FOSL1: variants seen among roughly 807,000 people sequenced by gnomAD.
FOSL1 encodes fos-related antigen 1.
Under a neutral mutation model 24.9 loss-of-function variants are expected in FOSL1, and 14 were observed. The ratio of observed to expected loss-of-function variants is 0.56; its 90% CI spans 0.37 to 0.88. The LOEUF (loss-of-function observed/expected upper bound fraction) is 0.88. Ranked by LOEUF, FOSL1 falls within the 40% of genes least tolerant of loss-of-function variation. The pLI, the probability that FOSL1 is intolerant of heterozygous loss-of-function variation, is 0.00. For missense variants in FOSL1, 318 were observed against 359.8 expected, an observed-to-expected ratio of 0.88 and a Z score of 0.94; for synonymous variants, 133 against 145.1, an observed-to-expected ratio of 0.92 and a Z score of 0.60.
In FOSL1 at chr11:65,893,995, G is replaced by T. The variant is rs1416527452; in HGVS notation, c.405+19C>A. On this transcript the variant is annotated intron_variant, in intron 3 of 3. Transcript: ENST00000312562. The stretch of plus-strand genomic sequence containing the variant: ...AGACAGGGTCCCTCTGAGCTCGGTG[G>T]ACCAGGGCTGGTGCTCACCGCCTGC... 4.6e-6 allele frequency: 7 copies of T among 1,537,354 alleles called. No homozygotes were observed. The East Asian group carries it at 9.5e-5, about 21-fold the overall frequency.
At chr11:65,899,431 C>T (rs903963524) in intron 1 of FOSL1, among the ~76,000 whole-genome samples, 1 of 152,348 alleles carries the variant, frequency 6.6e-6, no homozygotes, top group African/African-American at 2.4e-5. Context: ...GCGGAACGGA[C>T]GCCCCTCCTT....
At position 65,893,218 on chromosome 11, in the gene FOSL1, C is replaced by G; in HGVS notation, c.484G>C (p.Glu162Gln). 5.0e-6 allele frequency: 8 copies of G among 1,614,038 alleles called. No homozygotes were observed. Among genetic ancestry groups the G allele is most frequent in the Non-Finnish European group, 6.8e-6 (8 of 1,179,988 alleles). The change falls in exon 4 of 4, where the codon GAG becomes CAG. Residue 162 changes from glutamate to glutamine, a missense_variant. By Grantham distance (29) the Glu-to-Gln change is conservative (BLOSUM62 2). Coordinates refer to ENST00000312562, the MANE Select transcript of FOSL1 (RefSeq NM_005438.5). ...EELQKQKERL[E>Q]LVLEAHRPIC... ...GGTCGGTGGGCTTCCAGCACCAGCT[C>G]TAGGCGCTCCTTCTGCTTCTGCAGC...
intron 1 of FOSL1, among the ~76,000 whole-genome samples, chr11:65,897,279 C>G (rs1860551911): frequency 1.3e-5 from 2 of 152,162 alleles, no homozygotes; most frequent in Admixed American, 6.5e-5. Context: ...GTTCTAACCA[C>G]TTTACAAATA....
intron 2 of FOSL1, among the ~76,000 whole-genome samples, chr11:65,895,843 G>C (rs985491393): frequency 1.3e-5 from 2 of 151,952 alleles, no homozygotes; most frequent in Non-Finnish European, 2.9e-5. Flanking sequence ...ATCCCCTGTA[G>C]TCTCCCACAC....
Position 65,893,936 on chromosome 11 carries a change from G to A in FOSL1, c.405+78C>T, listed in dbSNP as rs1860458519. ...ACAAGGAGCTAGGATGGTGAGGAGG[G>A]GGCTACATATACTGGGGCTCTGGGG... On this transcript the variant is annotated intron_variant, in intron 3 of 3. Coordinates refer to ENST00000312562, the MANE Select transcript of FOSL1 (RefSeq NM_005438.5). The A allele has an allele frequency of 3.2e-6, 3 of 937,998 alleles. No individual in the cohort carries two copies. The South Asian group carries it at 4.2e-5, about 13-fold the overall frequency. The allele number at this position is 937,998 out of a possible 1,614,324, so 58.1% of individuals were successfully genotyped here.
chr11:65,899,119 G>T (rs1253999334), intron 1 of FOSL1, among the ~76,000 whole-genome samples: 3 of 152,152 alleles, frequency 2.0e-5, no homozygotes, highest in Admixed American at 2.0e-4. Flanking sequence ...CATTCTATCA[G>T]CCAGCTATCT....
chr11:65,892,767 G>A lies in FOSL1; in HGVS notation c.*119C>T. On this transcript the variant is annotated 3_prime_UTR_variant, in exon 4 of 4. Transcript: ENST00000312562. Reference sequence around the variant, plus strand: ...ACAATATGGTCAGTCTCATTAGAGGGATGGAGAAGAAGTTGCTGGAGTTGG... The same window carrying A: ...ACAATATGGTCAGTCTCATTAGAGGAATGGAGAAGAAGTTGCTGGAGTTGG... 1.1e-6 allele frequency: 1 copy of A among 951,820 alleles called. No individual in the cohort carries two copies. Among genetic ancestry groups the A allele is most frequent in the Non-Finnish European group, 1.6e-6 (1 of 617,168 alleles). The allele number at this position is 951,820 out of a possible 1,614,324, so 59.0% of individuals were successfully genotyped here.
Position 65,896,793 on chromosome 11 carries a change from T to C in FOSL1, c.297+16A>G, listed in dbSNP as rs2134800192. ...CTGGGCGGGGTCGGAACCACTGCAA[T>C]GCCTCTGTGCCTTACCTGTTCACAA... is the stretch of plus-strand genomic sequence containing the variant. On this transcript the variant is annotated intron_variant, in intron 2 of 3. Coordinates refer to ENST00000312562, the MANE Select transcript of FOSL1 (RefSeq NM_005438.5). 1.3e-6 allele frequency: 2 copies of C among 1,575,286 alleles called. No homozygotes were observed. The highest frequency in any genetic ancestry group is 2.3e-5 in the South Asian group (2 of 87,624).
chr11:65,899,490 C>T (rs1160132929), intron 1 of FOSL1, among the ~76,000 whole-genome samples: 2 of 152,244 alleles, frequency 1.3e-5, no homozygotes. Context: ...GAAATGGGCA[C>T]CTGCAGCCTC....
At chr11:65,894,922 G>A (rs1860485183) in intron 2 of FOSL1, among the ~76,000 whole-genome samples, 1 of 151,566 alleles carries the variant, frequency 6.6e-6, no homozygotes, top group Non-Finnish European at 1.5e-5. Flanking sequence ...CTCCCAAAGT[G>A]CTGGGATTAC....
rs756869534 is a variant in FOSL1 at position 65,896,775 on chromosome 11, G to A, written c.297+34C>T. 2.6e-6 allele frequency: 4 copies of A among 1,533,492 alleles called. No homozygotes were observed. In the Admixed American group the frequency reaches 7.5e-5, roughly 29 times the overall value. 95.0% of individuals were successfully genotyped at this position (1,533,492 alleles called of 1,614,324 possible). A position where few individuals can be genotyped will look rare whatever the true frequency, so the allele number is the denominator to read the frequency against. On this transcript the variant is annotated intron_variant, in intron 2 of 3. Transcript: ENST00000312562. ...CTCTGCACCCTAGCACTCCTGGGCG[G>A]GGTCGGAACCACTGCAATGCCTCTG...
chr11:65,896,066 A>G (rs1018273931), intron 2 of FOSL1, among the ~76,000 whole-genome samples: 1 of 151,996 alleles, frequency 6.6e-6, no homozygotes, highest in Non-Finnish European at 1.5e-5. Flanking sequence ...GGGTCTCTCT[A>G]TGTTGCCCAA....
In FOSL1 at chr11:65,900,205, C is replaced by T. The variant is rs542471693; in HGVS notation, c.99+36G>A. 3.7e-4 allele frequency: 402 copies of T among 1,081,132 alleles called. 3 individuals carry two copies. The African/African-American group carries it at 5.3e-3, about 14-fold the overall frequency. The allele number at this position is 1,081,132 out of a possible 1,614,324, so 67.0% of individuals were successfully genotyped here. On this transcript the variant is annotated intron_variant, in intron 1 of 3. Transcript: ENST00000312562. The stretch of plus-strand genomic sequence containing the variant: ...TTGACCCCGGCCTCCCACGCGCGGT[C>T]CTCCCGTGGGACCACCGGCGTCGGG...
chr11:65,893,113 G>A lies in FOSL1; in HGVS notation c.589C>T (p.Arg197Cys), dbSNP rs139675472. 1.5e-3 allele frequency: 2,403 copies of A among 1,612,816 alleles called. 3 individuals are homozygous for A. Among genetic ancestry groups the A allele is most frequent in the Non-Finnish European group, 1.9e-3 (2,222 of 1,179,830 alleles). Residue 197 changes from arginine (R) to cysteine (C), a missense_variant, in exon 4 of 4, where the codon CGC becomes TGC. Physicochemically the swap from Arg to Cys is radical, Grantham distance 180. Transcript: ENST00000312562. ...GAAAGGGAGATACAAGGTACAGGGC[G>A]GCAGGGGGCTGGTGGGCTGCTGGTG... ...SGTSSPPAPC[R>C]PVPCISLSPG...
intron 1 of FOSL1, among the ~76,000 whole-genome samples, chr11:65,898,474 C>T (rs11227338): frequency 0.11 from 17,166 of 152,164 alleles, 2,533 homozygotes; most frequent in African/African-American, 0.34. Flanking sequence ...CTTTAGCCAC[C>T]TGGCATGGCA....
chr11:65,894,935 G>A (rs1159840727), intron 2 of FOSL1, among the ~76,000 whole-genome samples: 2 of 151,552 alleles, frequency 1.3e-5, no homozygotes, highest in Non-Finnish European at 1.5e-5. Context: ...GGGATTACAG[G>A]CATGAGCCAC....
At chr11:65,896,708 T>C in intron 2 of FOSL1, 101 bp downstream of exon 2, 1 of 998,376 alleles carries the variant, frequency 1.0e-6, no homozygotes, top group Non-Finnish European at 1.5e-6. Flanking sequence ...TAGCCTACCT[T>C]ACCCCCTCCT....
rs897466177 is a variant in FOSL1, at chr11:65,900,370, G to C, written c.-31C>G. 2.6e-5 allele frequency: 30 copies of C among 1,157,894 alleles called. No individual in the cohort carries two copies. The African/African-American group carries it at 4.7e-4, about 18-fold the overall frequency. 71.7% of individuals were successfully genotyped at this position (1,157,894 alleles called of 1,614,324 possible). A position where few individuals can be genotyped will look rare whatever the true frequency, so the allele number is the denominator to read the frequency against. On this transcript the variant is annotated 5_prime_UTR_variant, in exon 1 of 4. Transcript: ENST00000312562. ...GGGCTGGCGGCTCTGCGGGGTACAC[G>C]GCTGCTGGGTTCTGACTCACCCGCG...
Position 65,900,264 on chromosome 11 carries a change from C to G in FOSL1, c.76G>C (p.Ala26Pro). 1 of 1,244,638 alleles carries G rather than the reference C, an allele frequency of 8.0e-7. No homozygotes were observed. Among genetic ancestry groups the G allele is most frequent in the South Asian group, 3.4e-5 (1 of 29,728 alleles). The allele number at this position is 1,244,638 out of a possible 1,614,324, so 77.1% of individuals were successfully genotyped here. The change falls in exon 1 of 4, where the codon GCC becomes CCC. Residue 26 changes from alanine to proline, a missense_variant. Ala to Pro is a conservative substitution (Grantham distance 27). Transcript: ENST00000312562. ...ACCTGCTGGGCTGCCTGCGCTGCGG[C>G]CGGGGGCTGCGCGGGGCCGCCGTAC... ...GGYGGPAQPPAAAQAAQQKFH... is the reference protein window; with the variant it reads ...GGYGGPAQPPPAAQAAQQKFH...
Sources: allele counts gnomAD v4.1 joint callset (sites outside exome capture counted in the v4.1 genomes callset), GRCh38; gene constraint gnomAD v4.1.1; transcripts MANE v1.5; gene names NCBI Gene and HGNC (gene_info 2026-07-23, HGNC 2026-07-21).